Variants in KCNIP4 observed in about 807,000 individuals in gnomAD.
KCNIP4 encodes the protein potassium voltage-gated channel interacting protein 4.
A neutral mutation model predicts 34.0 loss-of-function variants in KCNIP4; 12 were observed. The ratio of observed to expected loss-of-function variants is 0.35; its 90% CI spans 0.23 to 0.57. The LOEUF is 0.57. KCNIP4 is among the 20% of genes least tolerant of loss of function. The probability of loss-of-function intolerance (pLI) is 0.83; values close to 1 mark genes in which losing one functional copy is unlikely to be tolerated. For synonymous variants in KCNIP4, 124 were observed against 102.2 expected, an observed-to-expected ratio of 1.21 and a Z score of -1.29; for missense variants, 238 against 311.7, an observed-to-expected ratio of 0.76 and a Z score of 1.78.
At chr4:21,706,646 T>C (rs954606396) in intron 1 of KCNIP4, among the ~76,000 whole-genome samples, 9 of 152,140 alleles carry the variant, frequency 5.9e-5, no homozygotes, top group African/African-American at 1.9e-4. Flanking sequence ...GGGAAGAAAG[T>C]TGGCTTCTCT....
chr4:21,242,007 C>CA lies in KCNIP4; in HGVS notation c.62-359299dup, dbSNP rs1464851657. 5.3e-5 allele frequency among the ~76,000 whole-genome samples: 8 copies of CA among 151,390 alleles called. No individual in the cohort carries two copies. In the South Asian group the frequency reaches 1.5e-3, roughly 28 times the overall value. ...TGAAAACCTGTCTCTACTAAAAATA[C>CA]AAAAAAATTAGCCAGGCGTGGTGGT... is the stretch of plus-strand genomic sequence containing the variant. On this transcript the variant is annotated intron_variant, in intron 1 of 8. Coordinates refer to ENST00000382152, the MANE Select transcript of KCNIP4 (RefSeq NM_025221.6).
intron 1 of KCNIP4, among the ~76,000 whole-genome samples, chr4:21,039,309 G>A (rs978580396): frequency 1.3e-5 from 2 of 151,568 alleles, no homozygotes; most frequent in African/African-American, 4.9e-5. Flanking sequence ...GGTGGAGGTT[G>A]TAGTGAGCTG....
intron 1 of KCNIP4, among the ~76,000 whole-genome samples, chr4:21,224,708 T>C (rs371835681): frequency 1.2e-4 from 17 of 144,546 alleles, no homozygotes; most frequent in African/African-American, 3.7e-4. Context: ...TGCCTCAGCC[T>C]CCCAAGTAGC....
intron 1 of KCNIP4, chr4:20,983,872 CACA>C (rs1298695143): frequency 1.3e-6 from 2 of 1,536,310 alleles, no homozygotes; most frequent in Admixed American, 2.0e-5. Context: ...CACATATAAT[CACA>C]ACAATACCCA....
intron 1 of KCNIP4, among the ~76,000 whole-genome samples, chr4:21,000,550 T>C (rs1021742828): frequency 2.6e-5 from 4 of 152,056 alleles, no homozygotes; most frequent in African/African-American, 9.7e-5. Flanking sequence ...CCAGGTGTGG[T>C]GGTGCATGCC....
intron 1 of KCNIP4, among the ~76,000 whole-genome samples, chr4:21,153,326 TAGA>T (rs1411651744): frequency 6.6e-6 from 1 of 152,072 alleles, no homozygotes; most frequent in Non-Finnish European, 1.5e-5. Flanking sequence ...TTTGTATAGA[TAGA>T]TGACAAAAAT....
intron 1 of KCNIP4, among the ~76,000 whole-genome samples, chr4:21,586,212 GTT>G (rs1162938722): frequency 3.9e-5 from 6 of 151,956 alleles, no homozygotes; most frequent in African/African-American, 1.5e-4. Context: ...ATTTCCAATT[GTT>G]AATTATACAC....
chr4:21,791,973 G>T (rs1204547214), intron 1 of KCNIP4, among the ~76,000 whole-genome samples: 1 of 113,998 alleles, frequency 8.8e-6, no homozygotes, highest in Non-Finnish European at 1.6e-5. Context: ...CTGTACTCCA[G>T]CCTGGTGACA....
chr4:21,620,764 C>T (rs1744946854), intron 1 of KCNIP4, among the ~76,000 whole-genome samples: 2 of 152,306 alleles, frequency 1.3e-5, no homozygotes, highest in Admixed American at 1.3e-4. Context: ...GAATCCCCTA[C>T]TTTTCTTGCT....
intron 1 of KCNIP4, among the ~76,000 whole-genome samples, chr4:21,598,370 C>T (rs909763549): frequency 6.6e-6 from 1 of 152,082 alleles, no homozygotes; most frequent in Non-Finnish European, 1.5e-5. Flanking sequence ...TGTAAAGCAT[C>T]AGATAGTACA....
At chr4:21,942,999 T>C (rs563379334) in intron 1 of KCNIP4, among the ~76,000 whole-genome samples, 54 of 152,296 alleles carry the variant, frequency 3.5e-4, no homozygotes, top group Non-Finnish European at 6.8e-4. Context: ...CCTCAGGCGA[T>C]CTGCCAGCCT....
At chr4:20,797,560 T>G (rs1278269657) in intron 3 of KCNIP4, among the ~76,000 whole-genome samples, 1 of 152,212 alleles carries the variant, frequency 6.6e-6, no homozygotes, top group Non-Finnish European at 1.5e-5. Flanking sequence ...AGACAGAGAA[T>G]TTATCCAGGT....
intron 1 of KCNIP4, among the ~76,000 whole-genome samples, chr4:21,477,882 T>C (rs1180961273): frequency 1.3e-5 from 2 of 152,160 alleles, no homozygotes; most frequent in South Asian, 2.1e-4. Context: ...AGCCTGGTGG[T>C]ATTTTCTTGC....
chr4:21,483,643 A>T (rs1246280426), intron 1 of KCNIP4, among the ~76,000 whole-genome samples: 2 of 147,480 alleles, frequency 1.4e-5, no homozygotes, highest in Non-Finnish European at 3.0e-5. Context: ...AAAAAAAATT[A>T]GCCAGGTGTG....
chr4:21,174,514 T>C (rs763964696), intron 1 of KCNIP4, among the ~76,000 whole-genome samples: 45 of 152,246 alleles, frequency 3.0e-4, no homozygotes, highest in Non-Finnish European at 5.4e-4. Context: ...TTTCACTCTT[T>C]ATTTCATTAA....
intron 1 of KCNIP4, among the ~76,000 whole-genome samples, chr4:21,225,839 T>C (rs1758342026): frequency 6.6e-6 from 1 of 152,134 alleles, no homozygotes; most frequent in South Asian, 2.1e-4. Flanking sequence ...ATAGGCTTAG[T>C]CAACTTGCCA....
intron 1 of KCNIP4, among the ~76,000 whole-genome samples, chr4:21,713,548 G>A (rs1401689086): frequency 6.6e-6 from 1 of 152,216 alleles, no homozygotes; most frequent in Admixed American, 6.5e-5. Context: ...TAATGATCAA[G>A]TCAGAATGTT....
intron 1 of KCNIP4, among the ~76,000 whole-genome samples, chr4:21,742,240 G>A (rs576176484): frequency 3.6e-4 from 55 of 152,250 alleles, no homozygotes; most frequent in Non-Finnish European, 6.2e-4. Context: ...GCATTACATA[G>A]AGAGAGGGTC....
At chr4:20,850,792 C>T in intron 2 of KCNIP4, 125 bp from the exon 3 acceptor site, 2 of 1,075,984 alleles carry the variant, frequency 1.9e-6, no homozygotes, top group Non-Finnish European at 2.6e-6. Context: ...AGGAAGGACC[C>T]TCACAATGCC....
Sources: allele counts gnomAD v4.1 joint callset (sites outside exome capture counted in the v4.1 genomes callset), GRCh38; gene constraint gnomAD v4.1.1; transcripts MANE v1.5; gene names NCBI Gene and HGNC (gene_info 2026-07-23, HGNC 2026-07-21).